The following GTF2A1L variants were observed in gnomAD, a reference collection of about 807,000 sequenced individuals.
GTF2A1L encodes TFIIA-alpha and beta-like factor.
In GTF2A1L, 48 loss-of-function variants were observed where a neutral mutation model predicts 49.7. That is an observed-to-expected ratio of 0.97 (90% CI 0.77 to 1.23). The LOEUF (loss-of-function observed/expected upper bound fraction) is 1.23, where lower values mean the gene tolerates loss of function less well. GTF2A1L is among the 50% of genes most tolerant of loss of function. GTF2A1L has a pLI of 0.00. For missense variants in GTF2A1L, 736 were observed against 564.8 expected (o/e 1.30, Z -3.07); for synonymous variants, 246 against 193.5 (o/e 1.27, Z -2.25).
At chr2:48,676,063 A>G (rs1489235718) in intron 8 of GTF2A1L, among the ~76,000 whole-genome samples, 5 of 151,932 alleles carry the variant, frequency 3.3e-5, no homozygotes, top group Admixed American at 3.3e-4. Flanking sequence ...AAGTAGTTAT[A>G]TTAGTTTTCA....
In GTF2A1L at chr2:48,642,582, C is replaced by T. The variant is rs138174018; in HGVS notation, c.303+125C>T. The T allele has an allele frequency of 5.3e-4, 443 of 836,944 alleles. 5 individuals carry two copies. The highest frequency in any genetic ancestry group is 4.4e-3 in the African/African-American group (258 of 58,282). 51.8% of individuals were successfully genotyped at this position (836,944 alleles called of 1,614,324 possible). A position where few individuals can be genotyped will look rare whatever the true frequency, so the allele number is the denominator to read the frequency against. On this transcript the variant is annotated intron_variant, in intron 4 of 8. Coordinates refer to ENST00000403751, the MANE Select transcript of GTF2A1L (RefSeq NM_006872.5). ...GAAAGTGAAAAGATGTGGCCGGGCG[C>T]GGTGGCTCACGCCTGTAATTCCAGC...
At chr2:48,668,910 G>T (rs995034576) in intron 6 of GTF2A1L, among the ~76,000 whole-genome samples, 1 of 151,988 alleles carries the variant, frequency 6.6e-6, no homozygotes, top group Admixed American at 6.6e-5. Flanking sequence ...TAGCAGAGGG[G>T]TTTATTTGTT....
intron 3 of GTF2A1L, among the ~76,000 whole-genome samples, chr2:48,626,466 A>G (rs1214586150): frequency 6.9e-6 from 1 of 144,758 alleles, no homozygotes; most frequent in Non-Finnish European, 1.6e-5. Flanking sequence ...TGCTTTGGGT[A>G]GTATGGACAT....
rs569239577 is a variant in GTF2A1L at position 48,624,060 on chromosome 2, G to T, written c.247+2770G>T. ...CACATACCCCCTGAATCTAAACCCA[G>T]AAACTTGTTTGCTCTATCATATGTT... On this transcript the variant is annotated intron_variant, in intron 3 of 8. Transcript: ENST00000403751. 1.9e-5 allele frequency among the ~76,000 whole-genome samples: 2 copies of T among 104,576 alleles called. 1 individual carries two copies. The highest frequency in any genetic ancestry group is 4.8e-5 in the Non-Finnish European group (2 of 41,514). The allele number at this position is 104,576 out of a possible 152,430, so 68.6% of individuals were successfully genotyped here.
At chr2:48,679,020 T>C (rs2104334200) in intron 8 of GTF2A1L, among the ~76,000 whole-genome samples, 1 of 147,142 alleles carries the variant, frequency 6.8e-6, no homozygotes, top group South Asian at 2.2e-4. Context: ...GTTTCTGTCC[T>C]TCCCTATTAA....
At chr2:48,647,837 T>C (rs953202567) in intron 6 of GTF2A1L, among the ~76,000 whole-genome samples, 1 of 152,090 alleles carries the variant, frequency 6.6e-6, no homozygotes, top group Non-Finnish European at 1.5e-5. Context: ...TTTTGGATTA[T>C]AAAAATTAAA....
chr2:48,640,715 C>T (rs1350265932), intron 3 of GTF2A1L, among the ~76,000 whole-genome samples: 1 of 152,076 alleles, frequency 6.6e-6, no homozygotes, highest in Non-Finnish European at 1.5e-5. Context: ...TTTAGTATTT[C>T]TAGAACATAC....
intron 6 of GTF2A1L, 117 bp downstream of exon 6, chr2:48,647,159 C>A (rs1677566576): frequency 2.1e-6 from 2 of 968,858 alleles, no homozygotes; most frequent in Non-Finnish European, 2.9e-6. Flanking sequence ...TTGTTTTTTT[C>A]TTTAGAAGAT....
intron 6 of GTF2A1L, among the ~76,000 whole-genome samples, chr2:48,665,180 C>G (rs955994518): frequency 2.6e-5 from 4 of 152,100 alleles, no homozygotes; most frequent in African/African-American, 9.7e-5. Flanking sequence ...CCTTGGCCTC[C>G]TAAAGTGCTG....
chr2:48,645,044 C>T lies in GTF2A1L; in HGVS notation c.315C>T (p.Asn105=), dbSNP rs1677418943. The T allele has an allele frequency of 6.2e-7, 1 of 1,611,000 alleles. No individual in the cohort carries two copies. Among genetic ancestry groups the T allele is most frequent in the Non-Finnish European group, 8.5e-7 (1 of 1,179,062 alleles). The change falls in exon 5 of 9, where the codon AAC becomes AAT. Residue 105 remains asparagine (N), a synonymous_variant. Transcript: ENST00000403751. ...SFTTAELGTS[N]SSANFTFPGY... The stretch of plus-strand genomic sequence containing the variant: ...TTTCTTATATCTAGGGCACTTCAAA[C>T]TCCAGTGCAAACTTTACTTTTCCTG...
At chr2:48,635,797 A>C (rs756309629) in intron 3 of GTF2A1L, among the ~76,000 whole-genome samples, 5 of 152,092 alleles carry the variant, frequency 3.3e-5, no homozygotes, top group Admixed American at 3.3e-4. Context: ...AACCAGATTA[A>C]AAATGGCATC....
At chr2:48,660,678 G>A (rs959675847) in intron 6 of GTF2A1L, among the ~76,000 whole-genome samples, 7 of 151,658 alleles carry the variant, frequency 4.6e-5, no homozygotes, top group Non-Finnish European at 7.4e-5. Context: ...AGTCTCTGTC[G>A]CCCAGGCTGA....
intron 6 of GTF2A1L, among the ~76,000 whole-genome samples, chr2:48,667,427 T>C (rs969665591): frequency 6.6e-6 from 1 of 152,210 alleles, no homozygotes; most frequent in Non-Finnish European, 1.5e-5. Flanking sequence ...AGAAAAGTTG[T>C]GATTTTGTAA....
chr2:48,671,118 G>C (rs1017382113), intron 7 of GTF2A1L, among the ~76,000 whole-genome samples: 1 of 151,732 alleles, frequency 6.6e-6, no homozygotes, highest in African/African-American at 2.4e-5. Context: ...CACTGCACCC[G>C]GCTCAAACAG....
rs1676203580 is a variant in GTF2A1L, at chr2:48,624,660, T to G, written c.247+3370T>G. Among the ~76,000 whole-genome samples the G allele has an allele frequency of 1.4e-5, 2 of 144,130 alleles. 1 individual carries two copies. Among genetic ancestry groups the G allele is most frequent in the South Asian group, 4.7e-4 (2 of 4,258 alleles). 94.6% of individuals were successfully genotyped at this position (144,130 alleles called of 152,430 possible). On this transcript the variant is annotated intron_variant, in intron 3 of 8. Coordinates refer to ENST00000403751, the MANE Select transcript of GTF2A1L (RefSeq NM_006872.5). ...TCTATTAGATATTTAGACTTATTGATCCTATGTATCTGTGACTTTGGATCC... is the reference window on the plus strand; with the variant it reads ...TCTATTAGATATTTAGACTTATTGAGCCTATGTATCTGTGACTTTGGATCC...
At chr2:48,625,352 A>G (rs1015101261) in intron 3 of GTF2A1L, among the ~76,000 whole-genome samples, 3 of 143,680 alleles carry the variant, frequency 2.1e-5, no homozygotes, top group East Asian at 2.0e-4. Context: ...AGCTGTTTTT[A>G]TGTTGTCTTT....
Position 48,646,821 on chromosome 2 carries a change from G to T in GTF2A1L, c.757G>T (p.Val253Phe), listed in dbSNP as rs534812248. Residue 253 changes from valine (V) to phenylalanine (F), a missense_variant, in exon 6 of 9, where the codon GTC (valine) becomes TTC (phenylalanine). Val to Phe is a conservative substitution (Grantham distance 50). Coordinates refer to ENST00000403751, the MANE Select transcript of GTF2A1L (RefSeq NM_006872.5). Reference protein sequence around the residue: ...SLPGVVFSPQVSQTNSNVESV... With the variant: ...SLPGVVFSPQFSQTNSNVESV... ...TCCAGGTGTTGTATTTTCTCCACAG[G>T]TCTCTCAAACAAATTCTAATGTGGA... The T allele has an allele frequency of 4.3e-6, 7 of 1,614,060 alleles. No individual in the cohort carries two copies. In the African/African-American group the frequency reaches 6.7e-5, roughly 15 times the overall value.
chr2:48,671,462 C>T, intron 7 of GTF2A1L, 129 bp from the exon 8 acceptor site: 5 of 863,982 alleles, frequency 5.8e-6, no homozygotes, highest in Non-Finnish European at 8.5e-6. Flanking sequence ...CCTAGGCCTC[C>T]CGTAGTGCTG....
At chr2:48,667,292 A>T (rs1678907789) in intron 6 of GTF2A1L, among the ~76,000 whole-genome samples, 1 of 152,116 alleles carries the variant, frequency 6.6e-6, no homozygotes, top group Admixed American at 6.6e-5. Flanking sequence ...GACATCTTAT[A>T]TATAAAGAGA....
Sources: gnomAD v4.1 joint callset for allele counts (sites outside exome capture counted in the v4.1 genomes callset) on GRCh38, gnomAD v4.1.1 for gene constraint, MANE v1.5 for transcripts, NCBI Gene and HGNC (gene_info 2026-07-23, HGNC 2026-07-21) for gene names.